Variants in DLG2 observed in about 807,000 individuals in gnomAD.
DLG2 encodes discs large MAGUK scaffold protein 2.
In DLG2, 45 loss-of-function variants were observed where a neutral mutation model predicts 132.5. The ratio of observed to expected loss-of-function variants is 0.34; its 90% CI spans 0.27 to 0.44. The LOEUF is 0.44. Ranked by LOEUF, DLG2 falls within the 20% of genes least tolerant of loss-of-function variation. DLG2 has a pLI of 1.00. For synonymous variants in DLG2, 424 were observed against 419.6 expected (o/e 1.01, Z -0.13); for missense variants, 1,045 against 1,196.9 (o/e 0.87, Z 1.87).
intron 6 of DLG2, among the ~76,000 whole-genome samples, chr11:84,992,081 T>C (rs948238474): frequency 2.0e-5 from 3 of 152,182 alleles, no homozygotes; most frequent in Non-Finnish European, 4.4e-5. Flanking sequence ...CTCTGGAGTG[T>C]TTCTTTCTCT....
At chr11:84,846,869 A>G (rs866706636) in intron 6 of DLG2, among the ~76,000 whole-genome samples, 31 of 152,276 alleles carry the variant, frequency 2.0e-4, no homozygotes, top group Admixed American at 5.2e-4. Flanking sequence ...TAAATATCAT[A>G]TGCATATCTA....
intron 4 of DLG2, among the ~76,000 whole-genome samples, chr11:85,238,204 AT>A (rs1178022683): frequency 7.5e-6 from 1 of 133,316 alleles, no homozygotes; most frequent in African/African-American, 2.8e-5. Flanking sequence ...TTTTATTTTT[AT>A]TTTATTTATT....
At chr11:85,176,476 T>C (rs2079254555) in intron 4 of DLG2, among the ~76,000 whole-genome samples, 1 of 152,036 alleles carries the variant, frequency 6.6e-6, no homozygotes, top group Non-Finnish European at 1.5e-5. Flanking sequence ...GATGGATTAA[T>C]GATCTAAATA....
chr11:84,691,880 G>A (rs1490678620), intron 6 of DLG2, among the ~76,000 whole-genome samples: 1 of 151,530 alleles, frequency 6.6e-6, no homozygotes, highest in Non-Finnish European at 1.5e-5. Context: ...TTCCTTTCCA[G>A]ACTCATTTCC....
At chr11:84,041,546 A>T (rs1421156800) in intron 11 of DLG2, among the ~76,000 whole-genome samples, 1 of 151,940 alleles carries the variant, frequency 6.6e-6, no homozygotes, top group Non-Finnish European at 1.5e-5. Flanking sequence ...ATTATGAATA[A>T]GGCTGAACAT....
intron 3 of DLG2, among the ~76,000 whole-genome samples, chr11:85,340,466 A>T: frequency 6.6e-6 from 1 of 151,996 alleles, no homozygotes; most frequent in East Asian, 1.9e-4. Context: ...AGGGCAGGGA[A>T]CATCACACAC....
chr11:84,939,880 A>G lies in DLG2; in HGVS notation c.357+171781T>C, dbSNP rs140196525. On this transcript the variant is annotated intron_variant, in intron 6 of 27. Coordinates refer to ENST00000376104, the MANE Select transcript of DLG2 (RefSeq NM_001142699.3). The stretch of plus-strand genomic sequence containing the variant: ...TGGCTATTGTGAATAGTGCTGCAGT[A>G]AACATGAGAATGCAGATATCTCATT... 1.4e-3 allele frequency among the ~76,000 whole-genome samples: 220 copies of G among 152,342 alleles called. 1 individual carries two copies. The highest frequency in any genetic ancestry group is 5.2e-3 in the African/African-American group (216 of 41,570).
chr11:85,451,661 A>G (rs1329365849), intron 3 of DLG2, among the ~76,000 whole-genome samples: 2 of 152,202 alleles, frequency 1.3e-5, no homozygotes, highest in Admixed American at 1.3e-4. Context: ...TAAATTAGAT[A>G]ATTTAGATAA....
chr11:84,556,193 T>C (rs548396969), intron 6 of DLG2, among the ~76,000 whole-genome samples: 1 of 152,308 alleles, frequency 6.6e-6, no homozygotes, highest in African/African-American at 2.4e-5. Flanking sequence ...TTTTGCCTGA[T>C]AGGAGACAGG....
intron 6 of DLG2, among the ~76,000 whole-genome samples, chr11:84,637,219 G>A (rs1319612198): frequency 2.6e-5 from 4 of 152,140 alleles, no homozygotes; most frequent in East Asian, 1.9e-4. Context: ...AGGCCACCTC[G>A]AGAAGTTTAC....
In DLG2 at chr11:85,111,652, C is replaced by T; in HGVS notation, c.357+9G>A. 1 of 1,547,724 alleles carries T rather than the reference C, an allele frequency of 6.5e-7. No homozygotes were observed. The highest frequency in any genetic ancestry group is 8.7e-7 in the Non-Finnish European group (1 of 1,145,158). ...TTCAATCTGCTAATCTTGGAATAAT[C>T]AAACTTACAGTACAGTGGTGGACAG... On this transcript the variant is annotated intron_variant, in intron 6 of 27. Coordinates refer to ENST00000376104, the MANE Select transcript of DLG2 (RefSeq NM_001142699.3).
intron 6 of DLG2, among the ~76,000 whole-genome samples, chr11:84,943,181 T>TG (rs1445319057): frequency 6.6e-6 from 1 of 151,444 alleles, no homozygotes; most frequent in East Asian, 1.9e-4. Context: ...TGTGTGTGTG[T>TG]GTGTGTGTGT....
intron 3 of DLG2, among the ~76,000 whole-genome samples, chr11:85,400,816 A>C (rs2087999896): frequency 6.6e-6 from 1 of 151,842 alleles, no homozygotes; most frequent in Non-Finnish European, 1.5e-5. Context: ...TAGCATTAGG[A>C]GATATACCTA....
chr11:84,276,728 T>C (rs2097786447), intron 7 of DLG2, among the ~76,000 whole-genome samples: 1 of 152,182 alleles, frequency 6.6e-6, no homozygotes, highest in Non-Finnish European at 1.5e-5. Context: ...ACTGCAGACC[T>C]CAGAATACCT....
intron 6 of DLG2, among the ~76,000 whole-genome samples, chr11:84,974,550 G>C (rs534435298): frequency 3.3e-5 from 5 of 152,296 alleles, no homozygotes; most frequent in African/African-American, 1.2e-4. Flanking sequence ...AGTGTTAACT[G>C]TGTGAAGGGA....
intron 7 of DLG2, among the ~76,000 whole-genome samples, chr11:84,280,325 G>C (rs576210223): frequency 1.6e-3 from 238 of 144,726 alleles, no homozygotes; most frequent in Non-Finnish European, 3.2e-3. Context: ...TTTTGAGACG[G>C]AGTCACGCTC....
intron 3 of DLG2, among the ~76,000 whole-genome samples, chr11:85,521,607 C>T (rs1365500640): frequency 6.7e-6 from 1 of 150,132 alleles, no homozygotes; most frequent in Non-Finnish European, 1.5e-5. Context: ...GAGAACAAGA[C>T]AAAAAAAAAT....
chr11:83,483,181 AG>A lies in DLG2; in HGVS notation c.2293+947del, dbSNP rs984065223. On this transcript the variant is annotated intron_variant, in intron 22 of 27. Transcript: ENST00000376104. ...CTAGGAGTGAAAGGCCCTCAGGAAAAGGAACAAAAGCCAAACTCAAAAGGAA... is the reference window on the plus strand; with the variant it reads ...CTAGGAGTGAAAGGCCCTCAGGAAAAGAACAAAAGCCAAACTCAAAAGGAA... The A allele has an allele frequency of 3.7e-5, 49 of 1,338,026 alleles. No homozygotes were observed. The African/African-American group carries it at 6.3e-4, about 17-fold the overall frequency. 82.9% of individuals were successfully genotyped at this position (1,338,026 alleles called of 1,614,324 possible).
intron 6 of DLG2, among the ~76,000 whole-genome samples, chr11:84,979,358 G>A (rs185586202): frequency 5.2e-4 from 79 of 152,284 alleles, no homozygotes; most frequent in African/African-American, 1.9e-3. Flanking sequence ...ACATGCACAT[G>A]TATGTTTATT....
Sources: gnomAD v4.1 joint callset for allele counts (sites outside exome capture counted in the v4.1 genomes callset) on GRCh38, gnomAD v4.1.1 for gene constraint, MANE v1.5 for transcripts, NCBI Gene and HGNC (gene_info 2026-07-23, HGNC 2026-07-21) for gene names.